The following LRP2 variants were observed in gnomAD, a reference collection of about 807,000 sequenced individuals.
LRP2 encodes LDL receptor related protein 2.
Under a neutral mutation model 531.0 loss-of-function variants are expected in LRP2, and 172 were observed. The ratio of observed to expected loss-of-function variants is 0.32; its 90% CI spans 0.29 to 0.37. The LOEUF (loss-of-function observed/expected upper bound fraction) is 0.37. Ranked by LOEUF, LRP2 falls within the 10% of genes least tolerant of loss-of-function variation. The pLI is 1.00. For synonymous variants in LRP2, 1,992 were observed against 2,027.6 expected, an observed-to-expected ratio of 0.98 and a Z score of 0.47; for missense variants, 5,167 against 5,868.3, an observed-to-expected ratio of 0.88 and a Z score of 3.90.
chr2:169,330,836 C>T (rs1164134883), intron 1 of LRP2, among the ~76,000 whole-genome samples: 1 of 151,768 alleles, frequency 6.6e-6, no homozygotes, highest in Non-Finnish European at 1.5e-5. Flanking sequence ...TCTTAGCCCA[C>T]ATGAAAGAGA....
intron 10 of LRP2, among the ~76,000 whole-genome samples, chr2:169,281,125 T>C (rs535027793): frequency 6.6e-6 from 1 of 152,060 alleles, no homozygotes; most frequent in Admixed American, 6.6e-5. Context: ...TATGCCATTA[T>C]AAAAAAATAA....
intron 61 of LRP2, among the ~76,000 whole-genome samples, chr2:169,167,593 G>A (rs1686830084): frequency 6.6e-6 from 1 of 152,108 alleles, no homozygotes; most frequent in Non-Finnish European, 1.5e-5. Flanking sequence ...GGGTCTTTGA[G>A]TTAATGCCTT....
chr2:169,201,915 A>C (rs776844976), intron 43 of LRP2, 45 bp from the exon 44 acceptor site: 1 of 1,609,926 alleles, frequency 6.2e-7, no homozygotes, highest in Non-Finnish European at 8.5e-7. Context: ...TGATTAAAAC[A>C]TTATCCTAAT....
intron 3 of LRP2, among the ~76,000 whole-genome samples, chr2:169,309,572 C>T (rs1684533288): frequency 6.6e-6 from 1 of 152,106 alleles, no homozygotes; most frequent in Non-Finnish European, 1.5e-5. Flanking sequence ...TATTCTGTTC[C>T]ATTGGTCTAT....
chr2:169,308,704 G>A (rs1303164295), intron 3 of LRP2, among the ~76,000 whole-genome samples: 1 of 152,158 alleles, frequency 6.6e-6, no homozygotes, highest in Non-Finnish European at 1.5e-5. Context: ...TGTCTTTATA[G>A]CAGCATGATT....
chr2:169,272,577 A>G (rs1318599193), intron 15 of LRP2, among the ~76,000 whole-genome samples: 1 of 152,186 alleles, frequency 6.6e-6, no homozygotes. Context: ...AAAGGTATAC[A>G]TAGCATAGAA....
intron 40 of LRP2, 136 bp from the exon 41 acceptor site, chr2:169,205,773 C>T (rs1256466941): frequency 7.1e-6 from 7 of 991,418 alleles, no homozygotes; most frequent in East Asian, 2.5e-5. Flanking sequence ...ACTTACACAA[C>T]TTGTCCAAAG....
chr2:169,351,748 A>G (rs1300286780), intron 1 of LRP2, among the ~76,000 whole-genome samples: 1 of 152,234 alleles, frequency 6.6e-6, no homozygotes, highest in Admixed American at 6.5e-5. Flanking sequence ...GAGGCTAGTC[A>G]GTATAGTTGT....
intron 3 of LRP2, among the ~76,000 whole-genome samples, chr2:169,308,205 C>CT (rs11285321): frequency 2.0e-4 from 30 of 151,854 alleles, no homozygotes; most frequent in South Asian, 6.3e-4. Context: ...TACAAAACTT[C>CT]TTTTTTTTAT....
chr2:169,163,628 C>G (rs1374653484), intron 62 of LRP2, among the ~76,000 whole-genome samples: 1 of 151,924 alleles, frequency 6.6e-6, no homozygotes, highest in East Asian at 1.9e-4. Context: ...TTAGAACAGG[C>G]TAGAAGCAAA....
intron 78 of LRP2, 28 bp downstream of exon 78, chr2:169,128,985 T>C (rs779610810): frequency 9.5e-6 from 15 of 1,574,872 alleles, no homozygotes; most frequent in Non-Finnish European, 1.3e-5. Context: ...AAAAAATGTC[T>C]GTGCTAAGAA....
intron 4 of LRP2, among the ~76,000 whole-genome samples, chr2:169,298,979 C>G (rs1467008385): frequency 6.6e-6 from 1 of 151,104 alleles, no homozygotes; most frequent in Non-Finnish European, 1.5e-5. Flanking sequence ...TATCCTTCCC[C>G]AGTCCAAAAG....
intron 77 of LRP2, among the ~76,000 whole-genome samples, chr2:169,131,824 T>C (rs914345472): frequency 6.6e-6 from 1 of 152,238 alleles, no homozygotes; most frequent in Non-Finnish European, 1.5e-5. Context: ...TAAAACAGTT[T>C]GTCCAGATTC....
chr2:169,290,840 C>T lies in LRP2; in HGVS notation c.922+5G>A. On this transcript the variant is annotated splice_donor_5th_base_variant and intron_variant, in intron 8 of 78. Coordinates refer to ENST00000649046, the MANE Select transcript of LRP2 (RefSeq NM_004525.3). ...AAAGCTACCCAGGTAAATGTCTATA[C>T]TCACTACAGTATTTTCCGGTACTAG... 6.2e-7 allele frequency: 1 copy of T among 1,613,876 alleles called. No individual in the cohort carries two copies.
intron 63 of LRP2, among the ~76,000 whole-genome samples, chr2:169,159,011 C>T (rs1686469301): frequency 6.6e-6 from 1 of 152,136 alleles, no homozygotes; most frequent in South Asian, 2.1e-4. Context: ...CAATATCTAT[C>T]CAAGCCATCT....
At chr2:169,222,544 G>A (rs1023915802) in intron 33 of LRP2, among the ~76,000 whole-genome samples, 6 of 152,018 alleles carry the variant, frequency 3.9e-5, no homozygotes, top group Non-Finnish European at 7.4e-5. Context: ...CTCATCCATG[G>A]GGGACAAATT....
Position 169,279,514 on chromosome 2 carries a change from C to CCA in LRP2, c.1421_1422dup (p.Asp475TrpfsTer10). ...AGATAGATTTTATTATTAACCCAGT[C>CCA]CACAGCCAGGTTCTCTGGGGTTTCA... On this transcript the variant is annotated frameshift_variant, in exon 12 of 79. Coordinates refer to ENST00000649046, the MANE Select transcript of LRP2 (RefSeq NM_004525.3). LOFTEE classifies it high-confidence loss of function. 6.2e-7 allele frequency: 1 copy of CCA among 1,613,774 alleles called. No homozygotes were observed. The highest frequency in any genetic ancestry group is 8.5e-7 in the Non-Finnish European group (1 of 1,179,766).
In LRP2 at chr2:169,290,834, T is replaced by A. The variant is rs758510490; in HGVS notation, c.922+11A>T. On this transcript the variant is annotated intron_variant, in intron 8 of 78. Transcript: ENST00000649046. ...TATCTGAAAGCTACCCAGGTAAATG[T>A]CTATACTCACTACAGTATTTTCCGG... 6.2e-7 allele frequency: 1 copy of A among 1,613,610 alleles called. No homozygotes were observed. Among genetic ancestry groups the A allele is most frequent in the South Asian group, 1.1e-5 (1 of 91,006 alleles).
chr2:169,348,510 C>T (rs944467696), intron 1 of LRP2, among the ~76,000 whole-genome samples: 1 of 152,212 alleles, frequency 6.6e-6, no homozygotes, highest in Non-Finnish European at 1.5e-5. Context: ...CTCCCCTCTT[C>T]AAAGAGGGCC....
Sources: gnomAD v4.1 joint callset for allele counts (sites outside exome capture counted in the v4.1 genomes callset) on GRCh38, gnomAD v4.1.1 for gene constraint, MANE v1.5 for transcripts, NCBI Gene and HGNC (gene_info 2026-07-23, HGNC 2026-07-21) for gene names.